Variants in CDH13 observed in about 807,000 individuals in gnomAD.
CDH13 encodes the protein cadherin 13.
CDH13 carries 24 observed loss-of-function variants against 63.8 expected under a neutral mutation model. The ratio of observed to expected loss-of-function variants is 0.38; its 90% CI spans 0.27 to 0.53. The LOEUF (loss-of-function observed/expected upper bound fraction) is 0.53. Among genes scored for constraint, CDH13 ranks in the 20% least tolerant of loss-of-function variants. The pLI, the probability that CDH13 is intolerant of heterozygous loss-of-function variation, is 0.85. For missense variants in CDH13, 1,049 were observed against 903.1 expected, an observed-to-expected ratio of 1.16 and a Z score of -2.07; for synonymous variants, 503 against 355.3, an observed-to-expected ratio of 1.42 and a Z score of -4.67.
At chr16:82,777,730 C>T (rs925096878) in intron 1 of CDH13, among the ~76,000 whole-genome samples, 1 of 152,164 alleles carries the variant, frequency 6.6e-6, no homozygotes, top group African/African-American at 2.4e-5. Flanking sequence ...CAGCAGTCAT[C>T]CTAAGACTTG....
intron 3 of CDH13, among the ~76,000 whole-genome samples, chr16:83,056,411 G>A (rs926943135): frequency 9.2e-5 from 14 of 151,358 alleles, no homozygotes; most frequent in Admixed American, 4.6e-4. Context: ...TCCATCAAGG[G>A]ACAAATGGAT....
At chr16:82,824,119 A>G (rs189725086) in intron 1 of CDH13, 21 of 152,330 alleles carry the variant, frequency 1.4e-4, no homozygotes, top group African/African-American at 5.1e-4. Flanking sequence ...CATGTCATTT[A>G]AAGAAGCCAG....
At chr16:82,670,751 C>A (rs914532636) in intron 1 of CDH13, among the ~76,000 whole-genome samples, 1 of 152,174 alleles carries the variant, frequency 6.6e-6, no homozygotes, top group Admixed American at 6.5e-5. Flanking sequence ...TTCTAGTAGT[C>A]ATTTGTCATC....
At chr16:82,820,989 A>G (rs1266713742) in intron 1 of CDH13, among the ~76,000 whole-genome samples, 1 of 151,982 alleles carries the variant, frequency 6.6e-6, no homozygotes, top group Non-Finnish European at 1.5e-5. Flanking sequence ...ACTTTTAACA[A>G]TGATCTCCTC....
At chr16:82,837,458 C>T (rs1286222011) in intron 1 of CDH13, among the ~76,000 whole-genome samples, 1 of 152,070 alleles carries the variant, frequency 6.6e-6, no homozygotes, top group Non-Finnish European at 1.5e-5. Flanking sequence ...CCTAGAGTCC[C>T]CAAGGCCACC....
At chr16:83,701,702 C>G (rs1906257354) in intron 10 of CDH13, among the ~76,000 whole-genome samples, 1 of 152,176 alleles carries the variant, frequency 6.6e-6, no homozygotes, top group Non-Finnish European at 1.5e-5. Context: ...CAGGACGTTA[C>G]TACGATCCAG....
intron 7 of CDH13, among the ~76,000 whole-genome samples, chr16:83,598,973 G>A (rs1390737854): frequency 6.6e-6 from 1 of 152,150 alleles, no homozygotes; most frequent in Non-Finnish European, 1.5e-5. Flanking sequence ...TGTCCTCATC[G>A]CATGATGATA....
intron 5 of CDH13, among the ~76,000 whole-genome samples, chr16:83,236,242 C>CACACACAT (rs2040139312): frequency 6.6e-6 from 1 of 150,888 alleles, no homozygotes; most frequent in African/African-American, 2.4e-5. Context: ...CACATGCACA[C>CACACACAT]ACACACACAC....
At chr16:83,097,414 T>C (rs915075035) in intron 3 of CDH13, among the ~76,000 whole-genome samples, 3 of 152,232 alleles carry the variant, frequency 2.0e-5, no homozygotes, top group African/African-American at 4.8e-5. Context: ...TATTTTTAAA[T>C]AAAACTTTGT....
intron 2 of CDH13, among the ~76,000 whole-genome samples, chr16:83,018,127 C>T (rs149529236): frequency 6.6e-6 from 1 of 152,156 alleles, no homozygotes; most frequent in Non-Finnish European, 1.5e-5. Flanking sequence ...AACCCCAGTT[C>T]TACAAGTAAA....
intron 7 of CDH13, among the ~76,000 whole-genome samples, chr16:83,529,390 T>C (rs183246416): frequency 8.2e-4 from 125 of 152,274 alleles, no homozygotes; most frequent in Admixed American, 2.4e-3. Flanking sequence ...TATAAGGATG[T>C]TTGTTGAAGC....
intron 3 of CDH13, among the ~76,000 whole-genome samples, chr16:83,087,909 G>A (rs2033692843): frequency 6.6e-6 from 1 of 152,110 alleles, no homozygotes; most frequent in South Asian, 2.1e-4. Flanking sequence ...AGCAAGAGAA[G>A]AAAATAGTGT....
At chr16:83,200,098 C>T (rs1358656593) in intron 4 of CDH13, among the ~76,000 whole-genome samples, 1 of 152,144 alleles carries the variant, frequency 6.6e-6, no homozygotes, top group Non-Finnish European at 1.5e-5. Flanking sequence ...TGCTGATACG[C>T]TTGTTCAGGG....
intron 4 of CDH13, among the ~76,000 whole-genome samples, chr16:83,139,503 C>T (rs1242387756): frequency 6.6e-6 from 1 of 152,162 alleles, no homozygotes; most frequent in South Asian, 2.1e-4. Context: ...CTCTGTGTTG[C>T]TCAATTTTTA....
At position 82,716,059 on chromosome 16, in the gene CDH13, T is replaced by A. The variant is rs576897703; in HGVS notation, c.45+88922T>A. ...CTCTGCCTAAAGTCGGATAAGGAAATGACCTTCCAGGCATGGTGAGATGAG... is the reference window on the plus strand; with the variant it reads ...CTCTGCCTAAAGTCGGATAAGGAAAAGACCTTCCAGGCATGGTGAGATGAG... On this transcript the variant is annotated intron_variant, in intron 1 of 13. Coordinates refer to ENST00000567109, the MANE Select transcript of CDH13 (RefSeq NM_001257.5). Among the ~76,000 whole-genome samples, 4 of 152,222 alleles carry A rather than the reference T, an allele frequency of 2.6e-5. No homozygotes were observed. The East Asian group carries it at 7.7e-4, about 29-fold the overall frequency.
intron 5 of CDH13, among the ~76,000 whole-genome samples, chr16:83,295,128 G>C (rs1391521640): frequency 1.3e-5 from 2 of 151,844 alleles, no homozygotes; most frequent in African/African-American, 4.8e-5. Flanking sequence ...CACACAATGG[G>C]GGAAAAAAAC....
chr16:82,631,341 G>T (rs1188633473), intron 1 of CDH13, among the ~76,000 whole-genome samples: 1 of 152,176 alleles, frequency 6.6e-6, no homozygotes, highest in Non-Finnish European at 1.5e-5. Flanking sequence ...TTCTGCCTGT[G>T]GAAGGAGATA....
chr16:82,935,623 A>T (rs2042643182), intron 2 of CDH13, among the ~76,000 whole-genome samples: 1 of 152,220 alleles, frequency 6.6e-6, no homozygotes, highest in South Asian at 2.1e-4. Context: ...AGTGTATATC[A>T]GAATCACGTA....
intron 1 of CDH13, among the ~76,000 whole-genome samples, chr16:82,772,706 A>G (rs554116476): frequency 6.6e-6 from 1 of 152,330 alleles, no homozygotes; most frequent in South Asian, 2.1e-4. Flanking sequence ...TCTAACTATT[A>G]TTATCATCTT....
Sources: allele counts gnomAD v4.1 joint callset (sites outside exome capture counted in the v4.1 genomes callset), GRCh38; gene constraint gnomAD v4.1.1; transcripts MANE v1.5; gene names NCBI Gene and HGNC (gene_info 2026-07-23, HGNC 2026-07-21).